The following ZZEF1 variants were observed in gnomAD, a reference collection of about 807,000 sequenced individuals.
The protein encoded by ZZEF1 is zinc finger ZZ-type and EF-hand domain containing 1.
A neutral mutation model predicts 342.8 loss-of-function variants in ZZEF1; 157 were observed. The ratio of observed to expected loss-of-function variants is 0.46; its 90% confidence interval spans 0.40 to 0.52. The LOEUF is 0.52. Among genes scored for constraint, ZZEF1 ranks in the 20% least tolerant of loss-of-function variants. The pLI is 0.00. For synonymous variants in ZZEF1, 1,505 were observed against 1,429.1 expected, an observed-to-expected ratio of 1.05 and a Z score of -1.20; for missense variants, 3,480 against 3,725.6, an observed-to-expected ratio of 0.93 and a Z score of 1.72.
At chr17:4,095,700 A>G (rs1211104352) in intron 11 of ZZEF1, 131 bp downstream of exon 11, 9 of 919,736 alleles carry the variant, frequency 9.8e-6, no homozygotes, top group Non-Finnish European at 1.4e-5. Flanking sequence ...GGCCACTGAG[A>G]TGGATTAGTG....
At chr17:4,035,945 T>C (rs1271660273) in intron 39 of ZZEF1, among the ~76,000 whole-genome samples, 1 of 151,474 alleles carries the variant, frequency 6.6e-6, no homozygotes, top group Non-Finnish European at 1.5e-5. Context: ...ACTAAACATA[T>C]AAAAATTAGC....
In ZZEF1 at chr17:4,037,870, C is replaced by G. The variant is rs532863203; in HGVS notation, c.6307-3578G>C. Among the ~76,000 whole-genome samples the G allele has an allele frequency of 1.4e-3, 213 of 152,316 alleles. 1 individual carries two copies. The highest frequency in any genetic ancestry group is 4.8e-3 in the African/African-American group (200 of 41,566). On this transcript the variant is annotated intron_variant, in intron 39 of 54. Transcript: ENST00000381638. ...GTGCTGGGATTACAGATTCAAGGCACTGTGCCTGGCCTATACATTAATTCT... is the reference window on the plus strand; with the variant it reads ...GTGCTGGGATTACAGATTCAAGGCAGTGTGCCTGGCCTATACATTAATTCT...
intron 26 of ZZEF1, among the ~76,000 whole-genome samples, chr17:4,069,763 G>A (rs1302835610): frequency 6.6e-6 from 1 of 152,186 alleles, no homozygotes; most frequent in African/African-American, 2.4e-5. Context: ...CCCGGGAGGT[G>A]GAGGTTGTGG....
At position 4,009,592 on chromosome 17, in the gene ZZEF1, C is replaced by T. The variant is rs746300264; in HGVS notation, c.8733+12G>A. On this transcript the variant is annotated intron_variant, in intron 53 of 54. Transcript: ENST00000381638. ...GAGGCACCGGGCTCCCTGCCCAGACCTCAGGCCTCACCTGGGCACGGTTCT... is the reference window on the plus strand; with the variant it reads ...GAGGCACCGGGCTCCCTGCCCAGACTTCAGGCCTCACCTGGGCACGGTTCT... 5 of 1,612,604 alleles carry T rather than the reference C, an allele frequency of 3.1e-6. No homozygotes were observed. Among genetic ancestry groups the T allele is most frequent in the South Asian group, 1.1e-5 (1 of 91,050 alleles).
intron 45 of ZZEF1, 51 bp from the exon 46 acceptor site, chr17:4,019,820 C>T (rs373762733): frequency 2.9e-5 from 40 of 1,392,948 alleles, no homozygotes; most frequent in African/African-American, 1.9e-4. Flanking sequence ...TGCTTCAATA[C>T]GGTATTGATC....
intron 2 of ZZEF1, among the ~76,000 whole-genome samples, chr17:4,121,184 T>C (rs1261030610): frequency 6.6e-6 from 1 of 152,184 alleles, no homozygotes; most frequent in Non-Finnish European, 1.5e-5. Context: ...ACACTACGAA[T>C]TATCTGTTGG....
At chr17:4,088,536 G>C (rs1387383719) in intron 13 of ZZEF1, 142 bp downstream of exon 13, 1 of 896,290 alleles carries the variant, frequency 1.1e-6, no homozygotes, top group Non-Finnish European at 1.7e-6. Context: ...ACTTTCCTCA[G>C]CTTTTCATGT....
chr17:4,021,860 T>C (rs1024139512), intron 44 of ZZEF1, among the ~76,000 whole-genome samples: 3 of 151,770 alleles, frequency 2.0e-5, no homozygotes, highest in African/African-American at 7.3e-5. Flanking sequence ...GCAAAATGCA[T>C]AGAAACAAAA....
rs887271578 is a variant in ZZEF1, at chr17:4,011,553, TTGTG to T, written c.8580-1800_8580-1797del. On this transcript the variant is annotated intron_variant, in intron 52 of 54. Transcript: ENST00000381638. ...GAGAATGAACTGAGGGGTTTTTTTTTTGTGTGTGTGTGTGTTTTTACTCAGAGGA... is the reference window on the plus strand; with the variant it reads ...GAGAATGAACTGAGGGGTTTTTTTTTTGTGTGTGTGTTTTTACTCAGAGGA... 9.9e-5 allele frequency among the ~76,000 whole-genome samples: 15 copies of T among 151,576 alleles called. No individual in the cohort carries two copies. The East Asian group carries it at 1.7e-3, about 18-fold the overall frequency.
rs1408393776 is a variant in ZZEF1 at position 4,006,774 on chromosome 17, G to A, written c.*116C>T. On this transcript the variant is annotated 3_prime_UTR_variant, in exon 55 of 55. Transcript: ENST00000381638. Reference sequence around the variant, plus strand: ...GCTGCTTGGCATCCTAACTGGAGTGGTCAGCTCAAGGAGAGCTGGGCACTG... The same window carrying A: ...GCTGCTTGGCATCCTAACTGGAGTGATCAGCTCAAGGAGAGCTGGGCACTG... 9.0e-6 allele frequency: 10 copies of A among 1,110,870 alleles called. No homozygotes were observed. Among genetic ancestry groups the A allele is most frequent in the Non-Finnish European group, 1.2e-5 (9 of 748,900 alleles). The allele number at this position is 1,110,870 out of a possible 1,614,324, so 68.8% of individuals were successfully genotyped here. A position where few individuals can be genotyped will look rare whatever the true frequency, so the allele number is the denominator to read the frequency against.
At position 4,135,473 on chromosome 17, in the gene ZZEF1, T is replaced by TAAA. The variant is rs10715482; in HGVS notation, c.354+7066_354+7068dup. Among the ~76,000 whole-genome samples the TAAA allele has an allele frequency of 1.6e-4, 24 of 150,262 alleles. 1 individual carries two copies. The highest frequency in any genetic ancestry group is 2.6e-4 in the Admixed American group (4 of 15,106). On this transcript the variant is annotated intron_variant, in intron 1 of 54. Transcript: ENST00000381638. The stretch of plus-strand genomic sequence containing the variant: ...TGGGCAACAGAGCAAGACTCCATCT[T>TAAA]AAAAAAAAAAAGGTGCCTCTGTACA...
chr17:4,083,211 T>C (rs1449742011), intron 16 of ZZEF1, among the ~76,000 whole-genome samples: 1 of 152,258 alleles, frequency 6.6e-6, no homozygotes, highest in Non-Finnish European at 1.5e-5. Flanking sequence ...TTGGCAGTGC[T>C]ATTTAACTTC....
At chr17:4,066,054 C>T (rs2057386119) in intron 28 of ZZEF1, among the ~76,000 whole-genome samples, 1 of 152,128 alleles carries the variant, frequency 6.6e-6, no homozygotes, top group Non-Finnish European at 1.5e-5. Context: ...GATGTCCCAG[C>T]TACCCGGTAG....
intron 5 of ZZEF1, among the ~76,000 whole-genome samples, chr17:4,112,200 C>T (rs1194754335): frequency 6.6e-6 from 1 of 150,414 alleles, no homozygotes; most frequent in Non-Finnish European, 1.5e-5. Flanking sequence ...GGCTGGAGTG[C>T]AGTGGTGTGA....
intron 2 of ZZEF1, among the ~76,000 whole-genome samples, chr17:4,120,353 T>C (rs2145531975): frequency 6.7e-6 from 1 of 149,196 alleles, no homozygotes; most frequent in East Asian, 2.0e-4. Context: ...CAAGATTCCG[T>C]CTCAGAAAAA....
At chr17:4,020,567 C>T (rs150216330) in intron 45 of ZZEF1, among the ~76,000 whole-genome samples, 113 of 152,258 alleles carry the variant, frequency 7.4e-4, no homozygotes, top group African/African-American at 2.4e-3. Context: ...GAACTCCTGG[C>T]CTCAAGTGAT....
In ZZEF1 at chr17:4,142,605, C is replaced by T; in HGVS notation, c.291G>A (p.Leu97=). ...RLGRGEESVT[L]EQFRELLEAR... ...CCTCCAGCAGCTCCCGGAACTGCTC[C>T]AGAGTGACAGACTCTTCGCCGCGGC... is the stretch of plus-strand genomic sequence containing the variant. The change falls in exon 1 of 55, where the codon CTG becomes CTA. Residue 97 remains leucine, a synonymous_variant. Transcript: ENST00000381638. 6.2e-7 allele frequency: 1 copy of T among 1,605,456 alleles called. No individual in the cohort carries two copies. Among genetic ancestry groups the T allele is most frequent in the Non-Finnish European group, 8.5e-7 (1 of 1,179,738 alleles).
chr17:4,140,835 G>A (rs762737137), intron 1 of ZZEF1, among the ~76,000 whole-genome samples: 7 of 151,210 alleles, frequency 4.6e-5, no homozygotes, highest in Admixed American at 6.6e-5. Flanking sequence ...CATAATACGC[G>A]TAGATACTAG....
intron 37 of ZZEF1, among the ~76,000 whole-genome samples, chr17:4,045,451 CT>C (rs1417695620): frequency 2.0e-5 from 3 of 152,102 alleles, no homozygotes; most frequent in Admixed American, 1.3e-4. Context: ...CCAAACAAAC[CT>C]TTATTTACAG....
Sources: allele counts gnomAD v4.1 joint callset (sites outside exome capture counted in the v4.1 genomes callset), GRCh38; gene constraint gnomAD v4.1.1; transcripts MANE v1.5; gene names NCBI Gene and HGNC (gene_info 2026-07-23, HGNC 2026-07-21).